KIF18B: variants seen among roughly 807,000 people sequenced by gnomAD.
KIF18B encodes kinesin family member 18B, also known as kinesin-like protein KIF18B.
A neutral mutation model predicts 80.9 loss-of-function variants in KIF18B; 49 were observed. That is an observed-to-expected ratio of 0.61 (90% CI 0.48 to 0.77). The LOEUF (loss-of-function observed/expected upper bound fraction) is 0.77. Among genes scored for constraint, KIF18B ranks in the 30% least tolerant of loss-of-function variants. The probability of loss-of-function intolerance (pLI) is 0.00; values close to 1 mark genes in which losing one functional copy is unlikely to be tolerated. For missense variants in KIF18B, 994 were observed against 1,127.7 expected, an observed-to-expected ratio of 0.88 and a Z score of 1.70; for synonymous variants, 439 against 463.9, an observed-to-expected ratio of 0.95 and a Z score of 0.69.
Position 44,927,902 on chromosome 17 carries a change from A to G in KIF18B, c.2276+124T>C. 1.1e-6 allele frequency: 1 copy of G among 880,920 alleles called. No homozygotes were observed. The highest frequency in any genetic ancestry group is 2.6e-5 in the South Asian group (1 of 38,760). The allele number at this position is 880,920 out of a possible 1,614,324, so 54.6% of individuals were successfully genotyped here. A position where few individuals can be genotyped will look rare whatever the true frequency, so the allele number is the denominator to read the frequency against. ...GGGGAGCAAAGCGGATCACAACCAA[A>G]GTGGAACAGATAGGAACCGTCCCAG... On this transcript the variant is annotated intron_variant, in intron 13 of 15. Coordinates refer to ENST00000593135, the MANE Select transcript of KIF18B (RefSeq NM_001265577.2). This position sits in a 1 kb window ranked among gnomAD's most constrained non-coding sequence, Gnocchi z 4.1.
Position 44,934,449 on chromosome 17 carries a change from G to A in KIF18B, c.688-19C>T. 1 of 1,604,112 alleles carries A rather than the reference G, an allele frequency of 6.2e-7. No homozygotes were observed. The highest frequency in any genetic ancestry group is 8.5e-7 in the Non-Finnish European group (1 of 1,174,158). On this transcript the variant is annotated intron_variant, in intron 5 of 15. Coordinates refer to ENST00000593135, the MANE Select transcript of KIF18B (RefSeq NM_001265577.2). The surrounding 1 kb of genome is among the most constrained non-coding windows in gnomAD (Gnocchi z 5.4). ...CAAAGATCTGAAGGCAGATGGCAGG[G>A]GTGAGGGGGAGATGGGCATCAGGGG...
At chr17:44,940,313 A>C (rs1205420605) in intron 1 of KIF18B, among the ~76,000 whole-genome samples, 1 of 152,224 alleles carries the variant, frequency 6.6e-6, no homozygotes, top group Non-Finnish European at 1.5e-5. Flanking sequence ...TCCACTGCCC[A>C]TTAGGAAGGT....
At chr17:44,937,974 C>CCA (rs1240744496) in intron 1 of KIF18B, among the ~76,000 whole-genome samples, 2 of 124,882 alleles carry the variant, frequency 1.6e-5, no homozygotes, top group African/African-American at 3.6e-5. Context: ...TTCAGCATCT[C>CCA]CATACACACA....
chr17:44,934,296 C>A lies in KIF18B; in HGVS notation c.822G>T (p.Gly274=). The change falls in exon 6 of 16, where the codon GGG becomes GGT. Residue 274 remains glycine (G), a synonymous_variant. Transcript: ENST00000593135. This position sits in a 1 kb window ranked among gnomAD's most constrained non-coding sequence, Gnocchi z 5.4. ...THAKGERLRE[G]ANINRSLLAL... ...CCAGCAGAGAGCGGTTGATGTTGGC[C>A]CCCTCCCGCAGCCGCTCCCCCTTCG... 1 of 1,613,018 alleles carries A rather than the reference C, an allele frequency of 6.2e-7. No individual in the cohort carries two copies. Among genetic ancestry groups the A allele is most frequent in the Non-Finnish European group, 8.5e-7 (1 of 1,179,660 alleles).
chr17:44,939,656 G>GT (rs1401514849), intron 1 of KIF18B, among the ~76,000 whole-genome samples: 1 of 152,036 alleles, frequency 6.6e-6, no homozygotes, highest in Non-Finnish European at 1.5e-5. Context: ...AATATCAAGT[G>GT]TTCCCACCTA....
intron 1 of KIF18B, among the ~76,000 whole-genome samples, chr17:44,937,977 T>C (rs1034605008): frequency 2.8e-5 from 4 of 143,940 alleles, no homozygotes; most frequent in Non-Finnish European, 3.1e-5. Flanking sequence ...AGCATCTCCA[T>C]ACACACACAC....
At chr17:44,945,427 C>T (rs1313839177) in intron 1 of KIF18B, among the ~76,000 whole-genome samples, 4 of 152,214 alleles carry the variant, frequency 2.6e-5, no homozygotes, top group Non-Finnish European at 4.4e-5. Flanking sequence ...ATATTTGCCT[C>T]ATTAACTTTC....
At chr17:44,943,325 C>A (rs1307319466) in intron 1 of KIF18B, among the ~76,000 whole-genome samples, 8 of 152,078 alleles carry the variant, frequency 5.3e-5, no homozygotes, top group Non-Finnish European at 1.2e-4. Flanking sequence ...TGGTCTCGAT[C>A]TCCTGACTTT....
intron 9 of KIF18B, 190 bp downstream of exon 9, chr17:44,932,483 C>T (rs1188364508): frequency 3.4e-6 from 2 of 596,204 alleles, no homozygotes; most frequent in East Asian, 5.5e-5. Flanking sequence ...GGCTGGGGTG[C>T]CATTTACTCA....
Position 44,925,874 on chromosome 17 carries a change from A to G in KIF18B, c.*206T>C, listed in dbSNP as rs558669544. On this transcript the variant is annotated 3_prime_UTR_variant, in exon 16 of 16. Transcript: ENST00000593135. ...TGAATATGTACATGCCAAGAAGCTG[A>G]GTGTAACAGGAGATTAACAGAGGGT... The G allele has an allele frequency of 8.2e-5, 50 of 612,440 alleles. No homozygotes were observed. The Admixed American group carries it at 1.0e-3, about 13-fold the overall frequency. 37.9% of individuals were successfully genotyped at this position (612,440 alleles called of 1,614,324 possible). A position where few individuals can be genotyped will look rare whatever the true frequency, so the allele number is the denominator to read the frequency against.
intron 3 of KIF18B, 115 bp from the exon 4 acceptor site, chr17:44,935,050 G>T: frequency 1.1e-6 from 1 of 904,976 alleles, no homozygotes; most frequent in Non-Finnish European, 1.7e-6. Context: ...CCACAGAAGT[G>T]GCGCTTCCCA....
At position 44,927,916 on chromosome 17, in the gene KIF18B, G is replaced by T; in HGVS notation, c.2276+110C>A. 1 of 995,816 alleles carries T rather than the reference G, an allele frequency of 1.0e-6. No individual in the cohort carries two copies. The highest frequency in any genetic ancestry group is 2.1e-5 in the South Asian group (1 of 47,436). The allele number at this position is 995,816 out of a possible 1,614,324, so 61.7% of individuals were successfully genotyped here. A position where few individuals can be genotyped will look rare whatever the true frequency, so the allele number is the denominator to read the frequency against. ...ATCACAACCAAAGTGGAACAGATAG[G>T]AACCGTCCCAGCTCCAAGGCTGTCC... is the stretch of plus-strand genomic sequence containing the variant. On this transcript the variant is annotated intron_variant, in intron 13 of 15. Transcript: ENST00000593135. The surrounding 1 kb of genome is among the most constrained non-coding windows in gnomAD (Gnocchi z 4.1).
rs753164076 is a variant in KIF18B at position 44,936,302 on chromosome 17, G to A, written c.43C>T (p.Arg15Trp). Reference protein sequence around the residue: ...DSTLQVVVRVRPPTPRELDSQ... With the variant: ...DSTLQVVVRVWPPTPRELDSQ... ...TCCAGCTCCCGAGGGGTGGGGGGCC[G>A]CACCCGTACCACTACTTGCAGCGTG... Residue 15 changes from arginine to tryptophan, a missense_variant, in exon 2 of 16, where the codon CGG becomes TGG. By Grantham distance (101) the Arg-to-Trp change is moderately radical. Transcript: ENST00000593135. 11 of 1,609,306 alleles carry A rather than the reference G, an allele frequency of 6.8e-6. No individual in the cohort carries two copies. The highest frequency in any genetic ancestry group is 2.2e-5 in the South Asian group (2 of 90,168).
rs779064855 is a variant in KIF18B, at chr17:44,928,851, G to GC, written c.1690dup (p.Ala564GlyfsTer102). On this transcript the variant is annotated frameshift_variant, in exon 12 of 16. Coordinates refer to ENST00000593135, the MANE Select transcript of KIF18B (RefSeq NM_001265577.2). LOFTEE classifies it high-confidence loss of function. ...TGAACACAGCTCCTGAGCCAGAGGTGCCCCCCTGGCCAGGCCTGAAGTCCT... is the reference window on the plus strand; with the variant it reads ...TGAACACAGCTCCTGAGCCAGAGGTGCCCCCCCTGGCCAGGCCTGAAGTCCT... 5 of 1,613,658 alleles carry GC rather than the reference G, an allele frequency of 3.1e-6. No homozygotes were observed. The highest frequency in any genetic ancestry group is 4.2e-6 in the Non-Finnish European group (5 of 1,179,798).
At position 44,943,890 on chromosome 17, in the gene KIF18B, AT is replaced by A. The variant is rs952832214; in HGVS notation, c.-15+3737del. On this transcript the variant is annotated intron_variant, in intron 1 of 15. Coordinates refer to ENST00000593135, the MANE Select transcript of KIF18B (RefSeq NM_001265577.2). Reference sequence around the variant, plus strand: ...TGCCACCATCCCTGGCTAATTTTTAATTTTTTTGTAGAAATGATGTCTCACT... The same window carrying A: ...TGCCACCATCCCTGGCTAATTTTTAATTTTTTGTAGAAATGATGTCTCACT... Among the ~76,000 whole-genome samples, 6 of 151,928 alleles carry A rather than the reference AT, an allele frequency of 3.9e-5. No individual in the cohort carries two copies. In the South Asian group the frequency reaches 1.0e-3, roughly 26 times the overall value.
intron 14 of KIF18B, among the ~76,000 whole-genome samples, chr17:44,926,768 G>C (rs1400810361): frequency 6.6e-6 from 1 of 152,156 alleles, no homozygotes; most frequent in Non-Finnish European, 1.5e-5. Context: ...TGGGTGCTGA[G>C]AGCCTCCCTC....
chr17:44,928,404 C>G lies in KIF18B; in HGVS notation c.1898G>C (p.Ser633Thr). 6.4e-7 allele frequency: 1 copy of G among 1,554,670 alleles called. No individual in the cohort carries two copies. Among genetic ancestry groups the G allele is most frequent in the Non-Finnish European group, 8.7e-7 (1 of 1,153,698 alleles). ...CATGGGACTGTCTGCCTCCAAGGCG[C>G]TTGGTCTCCTCCTCTTCTTCTCCAT... Reference protein sequence around the residue: ...WPMEKKRRRPSALEADSPMAP... With the variant: ...WPMEKKRRRPTALEADSPMAP... Residue 633 changes from serine (S) to threonine (T), a missense_variant, in exon 13 of 16, where the codon AGC (serine) becomes ACC (threonine). Ser to Thr is a moderately conservative substitution (Grantham distance 58). Transcript: ENST00000593135.
In KIF18B at chr17:44,927,120, C is replaced by A. The variant is rs1356424428; in HGVS notation, c.2277-42G>T. On this transcript the variant is annotated intron_variant, in intron 13 of 15. Coordinates refer to ENST00000593135, the MANE Select transcript of KIF18B (RefSeq NM_001265577.2). This position sits in a 1 kb window ranked among gnomAD's most constrained non-coding sequence, Gnocchi z 4.1. ...GGGAAGGAGGCTGATCAGCAGGGAA[C>A]CGGAAGCAAGGCCAGCCACTTCCTC... 1.3e-6 allele frequency: 2 copies of A among 1,499,874 alleles called. No homozygotes were observed. Among genetic ancestry groups the A allele is most frequent in the African/African-American group, 1.4e-5 (1 of 72,480 alleles). 92.9% of individuals were successfully genotyped at this position (1,499,874 alleles called of 1,614,324 possible).
rs916474250 is a variant in KIF18B at position 44,931,849 on chromosome 17, G to T, written c.1390-120C>A. On this transcript the variant is annotated intron_variant, in intron 10 of 15. Coordinates refer to ENST00000593135, the MANE Select transcript of KIF18B (RefSeq NM_001265577.2). ...AAATGACAGCTCCTAGAATGACCAG[G>T]TCCTGGTCACTTCCAAACACACAAG... is the stretch of plus-strand genomic sequence containing the variant. The T allele has an allele frequency of 2.9e-6, 4 of 1,363,720 alleles. No individual in the cohort carries two copies. The South Asian group carries it at 5.5e-5, about 19-fold the overall frequency. The allele number at this position is 1,363,720 out of a possible 1,614,324, so 84.5% of individuals were successfully genotyped here. A position where few individuals can be genotyped will look rare whatever the true frequency, so the allele number is the denominator to read the frequency against.
Sources: allele counts gnomAD v4.1 joint callset (sites outside exome capture counted in the v4.1 genomes callset), GRCh38; gene constraint gnomAD v4.1.1; non-coding constraint Gnocchi (gnomAD v3.1); transcripts MANE v1.5; gene names NCBI Gene and HGNC (gene_info 2026-07-23, HGNC 2026-07-21).